The following ETV5 variants were observed in gnomAD, a reference collection of about 807,000 sequenced individuals.
The protein encoded by ETV5 is ETS translocation variant 5.
Under a neutral mutation model 70.0 loss-of-function variants are expected in ETV5, and 10 were observed. That is an observed-to-expected ratio of 0.14 (90% CI 0.09 to 0.24). The LOEUF (loss-of-function observed/expected upper bound fraction) is 0.24, where lower values mean the gene tolerates loss of function less well. ETV5 is among the 10% of genes least tolerant of loss of function. The pLI is 1.00. For missense variants in ETV5, 453 were observed against 651.2 expected, an observed-to-expected ratio of 0.70 and a Z score of 3.31; for synonymous variants, 216 against 242.2, an observed-to-expected ratio of 0.89 and a Z score of 1.01.
At chr3:186,065,484 T>G (rs1713418608) in intron 8 of ETV5, among the ~76,000 whole-genome samples, 1 of 152,184 alleles carries the variant, frequency 6.6e-6, no homozygotes, top group Non-Finnish European at 1.5e-5. Flanking sequence ...TCAATCTATG[T>G]ATTATCTCAG....
At chr3:186,107,453 C>T (rs1714614358) in intron 1 of ETV5, among the ~76,000 whole-genome samples, 1 of 151,862 alleles carries the variant, frequency 6.6e-6, no homozygotes, top group African/African-American at 2.4e-5. Context: ...CAGTAGAAGA[C>T]GGGAGGGGGA....
chr3:186,097,107 T>G (rs1428237929), intron 5 of ETV5, among the ~76,000 whole-genome samples: 2 of 152,118 alleles, frequency 1.3e-5, no homozygotes, highest in African/African-American at 4.8e-5. Flanking sequence ...ATGAGGCTAC[T>G]TTGGTTTGGG....
At chr3:186,061,968 C>T (rs534009504) in intron 9 of ETV5, among the ~76,000 whole-genome samples, 1 of 152,234 alleles carries the variant, frequency 6.6e-6, no homozygotes, top group Non-Finnish European at 1.5e-5. Context: ...CTCACAAAAA[C>T]CGGCAGCAGA....
chr3:186,053,047 T>C (rs1463601225), intron 11 of ETV5, among the ~76,000 whole-genome samples: 3 of 152,048 alleles, frequency 2.0e-5, no homozygotes. Context: ...GTTTGGAGCA[T>C]TTTAGGTCAG....
chr3:186,108,746 G>C (rs544577190), intron 1 of ETV5, 194 bp downstream of exon 1: 2 of 963,058 alleles, frequency 2.1e-6, no homozygotes, highest in South Asian at 3.6e-5. Context: ...GCACCCGCCC[G>C]ACGCCTCCCA....
chr3:186,055,976 AGTTT>A (rs1196921630), intron 11 of ETV5, among the ~76,000 whole-genome samples: 10 of 152,210 alleles, frequency 6.6e-5, no homozygotes, highest in Non-Finnish European at 1.5e-4. Flanking sequence ...AGCGTATGTC[AGTTT>A]TTTTGGGCAG....
chr3:186,071,828 C>T (rs928425888), intron 7 of ETV5, among the ~76,000 whole-genome samples: 3 of 151,304 alleles, frequency 2.0e-5, no homozygotes, highest in Admixed American at 6.6e-5. Context: ...CATGGAGTGT[C>T]GCTCTGTCGT....
chr3:186,071,567 G>A (rs1415082446), intron 7 of ETV5, among the ~76,000 whole-genome samples: 2 of 152,190 alleles, frequency 1.3e-5, no homozygotes, highest in Non-Finnish European at 2.9e-5. Flanking sequence ...TATGTTATAA[G>A]GCCCGGCCCT....
chr3:186,067,634 CA>C (rs1713484160), intron 7 of ETV5, among the ~76,000 whole-genome samples: 1 of 151,722 alleles, frequency 6.6e-6, no homozygotes, highest in Non-Finnish European at 1.5e-5. Context: ...GTGAAACCAT[CA>C]TATGAAAGTA....
chr3:186,076,211 TTA>T, intron 7 of ETV5: 1 of 221,106 alleles, frequency 4.5e-6, no homozygotes, highest in Non-Finnish European at 9.0e-6. Context: ...AACACAGTAT[TTA>T]TCTTCTAAAA....
At chr3:186,065,400 GTCATAAAGCAACAGGTCTC>G (rs776104682) in intron 8 of ETV5, among the ~76,000 whole-genome samples, 1 of 152,186 alleles carries the variant, frequency 6.6e-6, no homozygotes, top group Non-Finnish European at 1.5e-5. Flanking sequence ...TAATTTTTCT[GTCATAAAGCAACAGGTCTC>G]TCCCTTCTGC....
chr3:186,108,251 T>C (rs549377260), intron 1 of ETV5, among the ~76,000 whole-genome samples: 12 of 151,462 alleles, frequency 7.9e-5, no homozygotes, highest in African/African-American at 2.9e-4. Context: ...CATCTTTCGG[T>C]GCTGTCCCCT....
At chr3:186,103,620 AACACACACACAC>A (rs10534124) in intron 5 of ETV5, among the ~76,000 whole-genome samples, 86,271 of 142,812 alleles carry the variant, frequency 0.6, 28,016 homozygotes, top group Non-Finnish European at 0.74. Flanking sequence ...TCATCTTGCA[AACACACACACAC>A]ACACACACAC....
chr3:186,095,893 C>T lies in ETV5; in HGVS notation c.232+9412G>A, dbSNP rs373986580. ...TGGGAAGGGCATGTGGTAGGGAATG[C>T]GGTGGTGTGCGGGCTGTATGCACCA... On this transcript the variant is annotated intron_variant, in intron 5 of 12. Coordinates refer to ENST00000306376, the MANE Select transcript of ETV5 (RefSeq NM_004454.3). Among the ~76,000 whole-genome samples, 32 of 152,240 alleles carry T rather than the reference C, an allele frequency of 2.1e-4. 1 individual carries two copies. The highest frequency in any genetic ancestry group is 7.7e-4 in the African/African-American group (32 of 41,530).
rs113403159 is a variant in ETV5 at position 186,052,149 on chromosome 3, TG to T, written c.1210-19del. The stretch of plus-strand genomic sequence containing the variant: ...CGAGCAACCTGAAGAGACAGGAAAG[TG>T]AAGAGCAATGGAAACGCATTCCCTG... On this transcript the variant is annotated intron_variant, in intron 11 of 12. Coordinates refer to ENST00000306376, the MANE Select transcript of ETV5 (RefSeq NM_004454.3). The surrounding 1 kb of genome is among the most constrained non-coding windows in gnomAD (Gnocchi z 4.5). 52 of 1,611,864 alleles carry T rather than the reference TG, an allele frequency of 3.2e-5. No individual in the cohort carries two copies. In the African/African-American group the frequency reaches 5.6e-4, roughly 17 times the overall value.
Position 186,077,126 on chromosome 3 carries a change from G to C in ETV5, c.650+2691C>G, listed in dbSNP as rs189106271. 5.2e-3 allele frequency among the ~76,000 whole-genome samples: 797 copies of C among 152,254 alleles called. 9 individuals are homozygous for C. Among genetic ancestry groups the C allele is most frequent in the Middle Eastern group, 0.014 (4 of 294 alleles). ...AGGCTTGATTTCTAACCTATAAAAT[G>C]GGTTTTTTCACTCTGCCTATGTCAC... On this transcript the variant is annotated intron_variant, in intron 7 of 12. Coordinates refer to ENST00000306376, the MANE Select transcript of ETV5 (RefSeq NM_004454.3).
At chr3:186,067,244 C>T (rs771660537) in intron 7 of ETV5, among the ~76,000 whole-genome samples, 6 of 152,310 alleles carry the variant, frequency 3.9e-5, no homozygotes, top group Admixed American at 1.3e-4. Flanking sequence ...ACCATCCTGG[C>T]CAACATGGTG....
rs1403195903 is a variant in ETV5, at chr3:186,065,847, G to A, written c.876C>T (p.Ile292=). The change falls in exon 8 of 13, where the codon ATC becomes ATT. Residue 292 remains isoleucine (I), a synonymous_variant. Transcript: ENST00000306376. ...PAHGFQSPMG[I]KQEPRDYCVD... ...CGCAGTAATCCCGAGGCTCCTGCTTGATTCCCATTGGTGACTGGAACCCGT... is the reference window on the plus strand; with the variant it reads ...CGCAGTAATCCCGAGGCTCCTGCTTAATTCCCATTGGTGACTGGAACCCGT... The A allele has an allele frequency of 6.2e-7, 1 of 1,614,150 alleles. No homozygotes were observed. Among genetic ancestry groups the A allele is most frequent in the Non-Finnish European group, 8.5e-7 (1 of 1,180,034 alleles).
At chr3:186,087,949 A>G (rs1000463013) in intron 5 of ETV5, among the ~76,000 whole-genome samples, 10 of 151,900 alleles carry the variant, frequency 6.6e-5, no homozygotes, top group African/African-American at 1.9e-4. Context: ...TGAATACATA[A>G]AACATTTATG....
Sources: gnomAD v4.1 joint callset for allele counts (sites outside exome capture counted in the v4.1 genomes callset) on GRCh38, gnomAD v4.1.1 for gene constraint, Gnocchi (gnomAD v3.1) non-coding constraint, MANE v1.5 for transcripts, NCBI Gene and HGNC (gene_info 2026-07-23, HGNC 2026-07-21) for gene names.